PRIM2: variants seen among roughly 807,000 people sequenced by gnomAD.
PRIM2 encodes the protein DNA primase subunit 2.
In PRIM2, 39 loss-of-function variants were observed where a neutral mutation model predicts 67.3. That is an observed-to-expected ratio of 0.58 (90% confidence interval 0.45 to 0.76). The LOEUF is 0.76. Ranked by LOEUF, PRIM2 falls within the 30% of genes least tolerant of loss-of-function variation. PRIM2 has a pLI of 0.00. For synonymous variants in PRIM2, 143 were observed against 198.7 expected (o/e 0.72, Z 2.36); for missense variants, 398 against 598.7 (o/e 0.66, Z 3.50).
chr6:57,337,433 A>G (rs548255232), intron 5 of PRIM2, among the ~76,000 whole-genome samples: 1 of 151,786 alleles, frequency 6.6e-6, no homozygotes, highest in African/African-American at 2.4e-5. Context: ...CACCACACCT[A>G]TTCCAAAATT....
intron 8 of PRIM2, among the ~76,000 whole-genome samples, chr6:57,515,229 G>A (rs1554348109): frequency 8.5e-5 from 13 of 152,156 alleles, no homozygotes; most frequent in African/African-American, 3.1e-4. Context: ...CTTAGCCATT[G>A]CCATTTTATC....
intron 7 of PRIM2, among the ~76,000 whole-genome samples, chr6:57,421,722 G>A (rs1244903406): frequency 6.6e-6 from 1 of 152,186 alleles, no homozygotes; most frequent in Non-Finnish European, 1.5e-5. Flanking sequence ...GTTGCCAAAT[G>A]AGAAGCTTGA....
chr6:57,382,892 C>T (rs1250473049), intron 7 of PRIM2: 1 of 152,024 alleles, frequency 6.6e-6, no homozygotes, highest in Non-Finnish European at 1.5e-5. Flanking sequence ...CCAAGCTTTC[C>T]TTCTCAGTTA....
At chr6:57,458,086 A>T (rs1411379372) in intron 7 of PRIM2, among the ~76,000 whole-genome samples, 1 of 152,168 alleles carries the variant, frequency 6.6e-6, no homozygotes, top group Admixed American at 6.5e-5. Context: ...TGACTTGTGT[A>T]TCGGTCAAAA....
At chr6:57,574,406 CTTGT>C (rs1309923807) in intron 10 of PRIM2, among the ~76,000 whole-genome samples, 93 of 152,258 alleles carry the variant, frequency 6.1e-4, no homozygotes, top group Non-Finnish European at 9.6e-4. Context: ...ACTTTCCTTG[CTTGT>C]TTGTGTGTGC....
At chr6:57,362,090 T>C (rs1407767170) in intron 5 of PRIM2, among the ~76,000 whole-genome samples, 1 of 152,156 alleles carries the variant, frequency 6.6e-6, no homozygotes, top group Non-Finnish European at 1.5e-5. Context: ...AAATATTGAA[T>C]TGGGTCAACA....
At chr6:57,309,773 G>C in the PRIM2 span, among the ~76,000 whole-genome samples, 1 of 152,156 alleles carries the variant, frequency 6.6e-6, no homozygotes, top group Admixed American at 6.5e-5. Context: ...CTAGTTTACA[G>C]TCCCACTAAC....
intron 7 of PRIM2, among the ~76,000 whole-genome samples, chr6:57,421,446 A>T (rs1181258016): frequency 1.3e-5 from 2 of 152,244 alleles, no homozygotes; most frequent in African/African-American, 4.8e-5. Flanking sequence ...ACAGCTCTCT[A>T]GTATGCAAAA....
At chr6:57,383,599 G>A (rs938269653) in intron 7 of PRIM2, 1 of 143,368 alleles carries the variant, frequency 7.0e-6, no homozygotes, top group African/African-American at 2.6e-5. Context: ...AAAAAGGCAT[G>A]TGGGATGAAG....
chr6:57,252,528 C>G, the PRIM2 span, among the ~76,000 whole-genome samples: 1 of 152,178 alleles, frequency 6.6e-6, no homozygotes, highest in Non-Finnish European at 1.5e-5. Context: ...GCAACCTCTG[C>G]CTCCCGGGTT....
intron 10 of PRIM2, among the ~76,000 whole-genome samples, chr6:57,538,131 C>T (rs1775038631): frequency 6.6e-6 from 1 of 152,002 alleles, no homozygotes; most frequent in Non-Finnish European, 1.5e-5. Context: ...CCTCCCACTT[C>T]ATTCTTCCCA....
At chr6:57,232,031 T>C in the PRIM2 span, among the ~76,000 whole-genome samples, 1 of 152,224 alleles carries the variant, frequency 6.6e-6, no homozygotes, top group Non-Finnish European at 1.5e-5. Context: ...TTTTCAGAGA[T>C]TCAGAAATTC....
intron 7 of PRIM2, among the ~76,000 whole-genome samples, chr6:57,403,198 A>T (rs1375888749): frequency 6.6e-6 from 1 of 152,058 alleles, no homozygotes; most frequent in Non-Finnish European, 1.5e-5. Flanking sequence ...TGAAAATTCC[A>T]AAGTGCTGTG....
chr6:57,489,224 G>C (rs1240643493), intron 7 of PRIM2, among the ~76,000 whole-genome samples: 4 of 152,242 alleles, frequency 2.6e-5, no homozygotes, highest in African/African-American at 9.6e-5. Context: ...TTTGAGATTT[G>C]TTTGCATTTT....
intron 7 of PRIM2, among the ~76,000 whole-genome samples, chr6:57,393,454 C>A (rs574961547): frequency 6.6e-6 from 1 of 152,268 alleles, no homozygotes; most frequent in African/African-American, 2.4e-5. Flanking sequence ...TGTATATCTT[C>A]TTTTGAGAAT....
chr6:57,587,491 C>T (rs1226775849), intron 10 of PRIM2, among the ~76,000 whole-genome samples: 1 of 151,700 alleles, frequency 6.6e-6, no homozygotes, highest in Non-Finnish European at 1.5e-5. Context: ...GGTGAAACCC[C>T]ATCTCTACTA....
At chr6:57,566,917 C>T (rs1343977010) in intron 10 of PRIM2, among the ~76,000 whole-genome samples, 1 of 152,068 alleles carries the variant, frequency 6.6e-6, no homozygotes, top group Admixed American at 6.5e-5. Flanking sequence ...TTTCCTTAAC[C>T]TTTCTGTGCT....
chr6:57,512,823 C>G (rs1351959781), intron 8 of PRIM2, among the ~76,000 whole-genome samples: 1 of 152,118 alleles, frequency 6.6e-6, no homozygotes, highest in Non-Finnish European at 1.5e-5. Context: ...TCTCTAACTC[C>G]AGACCTCAGG....
chr6:57,463,035 C>A (rs1275529200), intron 7 of PRIM2, among the ~76,000 whole-genome samples: 1 of 152,066 alleles, frequency 6.6e-6, no homozygotes, highest in Non-Finnish European at 1.5e-5. Flanking sequence ...AGTGAGCTAG[C>A]TGTTTCAGGG....
Sources: allele counts gnomAD v4.1 joint callset (sites outside exome capture counted in the v4.1 genomes callset), GRCh38; gene constraint gnomAD v4.1.1; transcripts MANE v1.5; gene names NCBI Gene and HGNC (gene_info 2026-07-23, HGNC 2026-07-21).